Variants in WNT8A observed in about 807,000 individuals in gnomAD.
The protein encoded by WNT8A is Wnt family member 8A, also known as protein Wnt-8a.
WNT8A carries 14 observed loss-of-function variants against 20.5 expected under a neutral mutation model. That is an observed-to-expected ratio of 0.68 (90% confidence interval 0.45 to 1.07). The LOEUF (loss-of-function observed/expected upper bound fraction) is 1.07. WNT8A is among the 50% of genes least tolerant of loss of function. The pLI, the probability that WNT8A is intolerant of heterozygous loss-of-function variation, is 0.00. For synonymous variants in WNT8A, 167 were observed against 169.2 expected (o/e 0.99, Z 0.10); for missense variants, 397 against 462.9 (o/e 0.86, Z 1.31).
At chr5:138,088,689 C>T (rs1042885297) in intron 3 of WNT8A, among the ~76,000 whole-genome samples, 14 of 152,088 alleles carry the variant, frequency 9.2e-5, no homozygotes, top group African/African-American at 3.4e-4. Context: ...CATCTGTTAG[C>T]CCCCAGTGTA....
At chr5:138,079,858 C>T (rs1164082905), upstream of WNT8A, among the ~76,000 whole-genome samples, 1 of 152,136 alleles carries the variant, frequency 6.6e-6, no homozygotes, top group African/African-American at 2.4e-5. Flanking sequence ...TGTGGAATGC[C>T]TCTCACTATT....
Position 138,091,023 on chromosome 5 carries a change from T to G in WNT8A, c.1060T>G (p.Cys354Gly), listed in dbSNP as rs772863098. The G allele has an allele frequency of 6.2e-7, 1 of 1,614,064 alleles. No individual in the cohort carries two copies. ...TAGGCATGTGGTGAGCAAGTATTACTGCGCACGCTCCCCAGGCAGTGCCCA... is the reference window on the plus strand; with the variant it reads ...TAGGCATGTGGTGAGCAAGTATTACGGCGCACGCTCCCCAGGCAGTGCCCA... ...QCRHVVSKYYCARSPGSAQSL... is the reference protein window; with the variant it reads ...QCRHVVSKYYGARSPGSAQSL... The change falls in exon 5 of 5, where the codon TGC becomes GGC. Residue 354 changes from cysteine to glycine, a missense_variant. Cys to Gly is a radical substitution (Grantham distance 159). Coordinates refer to ENST00000506684, the MANE Select transcript of WNT8A (RefSeq NM_001300939.2).
rs142919682 is a variant in WNT8A, at chr5:138,085,510, T to A, written c.295+874T>A. On this transcript the variant is annotated intron_variant, in intron 2 of 4. Coordinates refer to ENST00000506684, the MANE Select transcript of WNT8A (RefSeq NM_001300939.2). ...GTAGTTTGCATGTCATTTTTGAAGA[T>A]AACATTCACCTGAGAATAGTTAGGG... Among the ~76,000 whole-genome samples, 523 of 152,216 alleles carry A rather than the reference T, an allele frequency of 3.4e-3. 3 individuals are homozygous for A. The highest frequency in any genetic ancestry group is 0.012 in the African/African-American group (500 of 41,526).
At chr5:138,085,666 T>C (rs1750637865) in intron 2 of WNT8A, among the ~76,000 whole-genome samples, 1 of 151,846 alleles carries the variant, frequency 6.6e-6, no homozygotes, top group Non-Finnish European at 1.5e-5. Flanking sequence ...CTGGGCAACA[T>C]AGCAAGACCT....
chr5:138,085,149 G>C (rs182615898), intron 2 of WNT8A, among the ~76,000 whole-genome samples: 2 of 152,240 alleles, frequency 1.3e-5, no homozygotes, highest in East Asian at 3.9e-4. Context: ...TGGCCAGGCT[G>C]GTCTCAAACT....
chr5:138,081,735 T>C (rs1192357035), upstream of WNT8A, among the ~76,000 whole-genome samples: 1 of 152,136 alleles, frequency 6.6e-6, no homozygotes, highest in African/African-American at 2.4e-5. Flanking sequence ...ATTAGGACTT[T>C]TTGTCCTCAT....
chr5:138,092,225 G>A (rs1045808585), downstream of WNT8A: 3 of 152,216 alleles, frequency 2.0e-5, no homozygotes, highest in Non-Finnish European at 4.4e-5. Flanking sequence ...TAATCCACCA[G>A]GATAAAGGAG....
chr5:138,088,670 C>A (rs896500893), intron 3 of WNT8A, among the ~76,000 whole-genome samples: 1 of 152,068 alleles, frequency 6.6e-6, no homozygotes, highest in Non-Finnish European at 1.5e-5. Flanking sequence ...TGCAGTGAAC[C>A]TTTGAGAGCA....
intron 1 of WNT8A, 39 bp downstream of exon 1, chr5:138,084,322 G>C: frequency 6.2e-7 from 1 of 1,608,426 alleles, no homozygotes; most frequent in Non-Finnish European, 8.5e-7. Context: ...CCCACTGAGG[G>C]CCCTAAGGGG....
At chr5:138,090,160 T>C (rs1750799169) in intron 4 of WNT8A, among the ~76,000 whole-genome samples, 1 of 152,226 alleles carries the variant, frequency 6.6e-6, no homozygotes, top group South Asian at 2.1e-4. Context: ...TACATAGTAC[T>C]TCCTTGATTA....
chr5:138,080,450 T>TTGTTTTTTTG (rs763872418), upstream of WNT8A, among the ~76,000 whole-genome samples: 2 of 93,842 alleles, frequency 2.1e-5, no homozygotes, highest in African/African-American at 7.9e-5. Flanking sequence ...TCTTGTTTTT[T>TTGTTTTTTTG]TTTTTTTTTT....
upstream of WNT8A, among the ~76,000 whole-genome samples, chr5:138,082,438 A>T (rs543163071): frequency 1.2e-4 from 18 of 152,260 alleles, no homozygotes; most frequent in Admixed American, 3.3e-4. Flanking sequence ...AATTAGCTGG[A>T]CATGGTGGCA....
At chr5:138,090,470 C>A in intron 4 of WNT8A, 58 bp from the exon 5 acceptor site, 1 of 1,469,006 alleles carries the variant, frequency 6.8e-7, no homozygotes. Context: ...TCCCTTTAAT[C>A]ACTAACCTTT....
At chr5:138,088,829 C>A in intron 3 of WNT8A, 98 bp from the exon 4 acceptor site, 1 of 1,487,424 alleles carries the variant, frequency 6.7e-7, no homozygotes, top group South Asian at 1.4e-5. Context: ...TCACCTTCAG[C>A]CATAGCTTTA....
upstream of WNT8A, among the ~76,000 whole-genome samples, chr5:138,083,708 G>GT (rs1217860054): frequency 1.3e-5 from 2 of 152,182 alleles, no homozygotes; most frequent in Non-Finnish European, 2.9e-5. Flanking sequence ...TGCCTTCAGG[G>GT]TTAAGGACCC....
chr5:138,085,233 C>G (rs1017003605), intron 2 of WNT8A, among the ~76,000 whole-genome samples: 3 of 152,196 alleles, frequency 2.0e-5, no homozygotes, highest in African/African-American at 7.2e-5. Flanking sequence ...CCGTGCCCAG[C>G]GGAAATTACT....
At chr5:138,089,130 T>A in intron 4 of WNT8A, 61 bp downstream of exon 4, 1 of 1,575,744 alleles carries the variant, frequency 6.3e-7, no homozygotes, top group Non-Finnish European at 8.6e-7. Context: ...CCCTTCACAA[T>A]TTACCAAGAG....
upstream of WNT8A, among the ~76,000 whole-genome samples, chr5:138,079,901 T>C (rs1275905527): frequency 6.6e-6 from 1 of 152,070 alleles, no homozygotes; most frequent in Non-Finnish European, 1.5e-5. Context: ...CAGTGAAAAA[T>C]TTAGTCAGTC....
intron 4 of WNT8A, among the ~76,000 whole-genome samples, chr5:138,090,309 G>A (rs1750803089): frequency 1.3e-5 from 2 of 152,116 alleles, no homozygotes; most frequent in Non-Finnish European, 2.9e-5. Flanking sequence ...ATCACCCAGG[G>A]AAGCTTTAAA....
Sources: gnomAD v4.1 joint callset for allele counts (sites outside exome capture counted in the v4.1 genomes callset) on GRCh38, gnomAD v4.1.1 for gene constraint, MANE v1.5 for transcripts, NCBI Gene and HGNC (gene_info 2026-07-23, HGNC 2026-07-21) for gene names.